The following ADCY5 variants were observed in gnomAD, a reference collection of about 807,000 sequenced individuals.
ADCY5 encodes the protein adenylate cyclase type 5.
In ADCY5, 30 loss-of-function variants were observed where a neutral mutation model predicts 119.7. The observed-to-expected ratio is 0.25, with a 90% CI of 0.19 to 0.34. ADCY5 has a LOEUF of 0.34. Ranked by LOEUF, ADCY5 falls within the 10% of genes least tolerant of loss-of-function variation. The pLI, the probability that ADCY5 is intolerant of heterozygous loss-of-function variation, is 1.00. For synonymous variants in ADCY5, 753 were observed against 762.2 expected, an observed-to-expected ratio of 0.99 and a Z score of 0.20; for missense variants, 1,324 against 1,775.2, an observed-to-expected ratio of 0.75 and a Z score of 4.57.
chr3:123,323,360 T>C (rs1425499520), intron 8 of ADCY5, among the ~76,000 whole-genome samples: 1 of 152,212 alleles, frequency 6.6e-6, no homozygotes, highest in Non-Finnish European at 1.5e-5. Context: ...GTGCTTATAG[T>C]CCAAACTATC....
Position 123,296,179 on chromosome 3 carries a change from T to C in ADCY5, c.2968A>G (p.Thr990Ala), listed in dbSNP as rs749178622. Reference protein sequence around the residue: ...HATKVALKVVTPIIISVFVLA... With the variant: ...HATKVALKVVAPIIISVFVLA... ...ACAAAGACTGAGATGATGATGGGCG[T>C]CACCACCTTCAATGCCACCTTGGTT... The change falls in exon 17 of 21, where the codon ACG becomes GCG. Residue 990 changes from threonine (T) to alanine (A), a missense_variant. Physicochemically the swap from Thr to Ala is moderately conservative, Grantham distance 58. Coordinates refer to ENST00000462833, the MANE Select transcript of ADCY5 (RefSeq NM_183357.3). 8 of 1,613,886 alleles carry C rather than the reference T, an allele frequency of 5.0e-6. No homozygotes were observed. Among genetic ancestry groups the C allele is most frequent in the South Asian group, 4.4e-5 (4 of 91,056 alleles).
chr3:123,358,828 G>GT (rs1454875183), intron 1 of ADCY5, among the ~76,000 whole-genome samples: 1 of 152,204 alleles, frequency 6.6e-6, no homozygotes, highest in Non-Finnish European at 1.5e-5. Flanking sequence ...CAGGCTGCAG[G>GT]TTTGATTTGA....
At chr3:123,340,126 C>CA (rs1479138707) in intron 3 of ADCY5, among the ~76,000 whole-genome samples, 4 of 151,468 alleles carry the variant, frequency 2.6e-5, no homozygotes, top group South Asian at 2.1e-4. Context: ...CCTGTCTCTG[C>CA]AAAAAAAATT....
chr3:123,309,466 C>A (rs534550325), intron 12 of ADCY5, among the ~76,000 whole-genome samples: 20 of 152,210 alleles, frequency 1.3e-4, no homozygotes, highest in Admixed American at 9.2e-4. Context: ...GTAAAAACCA[C>A]CTGGGTTTAA....
chr3:123,296,911 C>A, intron 16 of ADCY5: 2 of 1,365,348 alleles, frequency 1.5e-6, no homozygotes, highest in Non-Finnish European at 2.0e-6. Context: ...GCTCCAGTGA[C>A]CCCCCGCCCC....
chr3:123,378,239 G>C (rs1943909811), intron 1 of ADCY5, among the ~76,000 whole-genome samples: 2 of 152,168 alleles, frequency 1.3e-5, no homozygotes. Flanking sequence ...TGGATACCCT[G>C]CTTCTTCAGG....
At chr3:123,441,348 A>G (rs1472858328) in intron 1 of ADCY5, among the ~76,000 whole-genome samples, 1 of 152,180 alleles carries the variant, frequency 6.6e-6, no homozygotes, top group Non-Finnish European at 1.5e-5. Context: ...TCAGTGACCC[A>G]TCCAAACTTT....
intron 18 of ADCY5, among the ~76,000 whole-genome samples, 185 bp downstream of exon 18, chr3:123,290,928 C>T (rs1939104885): frequency 6.6e-6 from 1 of 152,178 alleles, no homozygotes; most frequent in Non-Finnish European, 1.5e-5. Context: ...TGAGAGAGGC[C>T]ATGTGTGCAA....
intron 1 of ADCY5, among the ~76,000 whole-genome samples, chr3:123,394,267 C>G (rs1944479809): frequency 6.6e-6 from 1 of 152,200 alleles, no homozygotes; most frequent in Non-Finnish European, 1.5e-5. Context: ...AAGGATATTG[C>G]CTCCACTCCT....
intron 1 of ADCY5, among the ~76,000 whole-genome samples, chr3:123,384,785 G>C (rs150557062): frequency 1.7e-4 from 26 of 152,232 alleles, no homozygotes; most frequent in African/African-American, 6.3e-4. Context: ...TCTAACTTGG[G>C]AAGCATGAAG....
intron 1 of ADCY5, among the ~76,000 whole-genome samples, chr3:123,387,753 G>A (rs1261817621): frequency 6.6e-6 from 1 of 152,228 alleles, no homozygotes; most frequent in African/African-American, 2.4e-5. Flanking sequence ...TGGCAGGCCA[G>A]GCACTCTGCT....
rs1293312259 is a variant in ADCY5, at chr3:123,447,440, T to C, written c.1106A>G (p.Asn369Ser). 1 of 1,600,168 alleles carries C rather than the reference T, an allele frequency of 6.2e-7. No homozygotes were observed. Residue 369 changes from asparagine to serine, a missense_variant, in exon 1 of 21, where the codon AAC becomes AGC. Asn to Ser is a conservative substitution (Grantham distance 46, BLOSUM62 1). Coordinates refer to ENST00000462833, the MANE Select transcript of ADCY5 (RefSeq NM_183357.3). Reference sequence around the variant, plus strand: ...CTTCAGCAGGAACTGGTCCTGGGCGTTGGTGCGCAGGGCGATGGCCAGGTG... The same window carrying C: ...CTTCAGCAGGAACTGGTCCTGGGCGCTGGTGCGCAGGGCGATGGCCAGGTG... Reference protein sequence around the residue: ...ALHLAIALRTNAQDQFLLKQL... With the variant: ...ALHLAIALRTSAQDQFLLKQL...
rs144199270 is a variant in ADCY5 at position 123,424,496 on chromosome 3, T to C, written c.1134+22916A>G. Among the ~76,000 whole-genome samples, 656 of 152,286 alleles carry C rather than the reference T, an allele frequency of 4.3e-3. 4 individuals are homozygous for C. The highest frequency in any genetic ancestry group is 0.026 in the East Asian group (132 of 5,174). On this transcript the variant is annotated intron_variant, in intron 1 of 20. Coordinates refer to ENST00000462833, the MANE Select transcript of ADCY5 (RefSeq NM_183357.3). Reference sequence around the variant, plus strand: ...CCCCATGCCAATTTCCCTGGAAAGATGGTCCAGGCAGAATGCACAGTCCTC... The same window carrying C: ...CCCCATGCCAATTTCCCTGGAAAGACGGTCCAGGCAGAATGCACAGTCCTC...
intron 1 of ADCY5, among the ~76,000 whole-genome samples, chr3:123,413,782 T>C (rs1945119340): frequency 6.6e-6 from 1 of 151,968 alleles, no homozygotes; most frequent in Admixed American, 6.6e-5. Flanking sequence ...AGCCTGACCA[T>C]GTTGGGTGCA....
chr3:123,327,568 C>A, intron 7 of ADCY5, 50 bp downstream of exon 7: 4 of 1,556,036 alleles, frequency 2.6e-6, no homozygotes, highest in Non-Finnish European at 3.5e-6. Flanking sequence ...GAAAATGTTC[C>A]TCCCTGGAGG....
intron 1 of ADCY5, among the ~76,000 whole-genome samples, chr3:123,401,561 T>TA (rs1400640027): frequency 6.6e-6 from 1 of 152,202 alleles, no homozygotes; most frequent in Non-Finnish European, 1.5e-5. Flanking sequence ...CCTCAATGGC[T>TA]ACTAACAGCT....
At chr3:123,294,105 C>A (rs1226884620) in intron 17 of ADCY5, among the ~76,000 whole-genome samples, 2 of 152,136 alleles carry the variant, frequency 1.3e-5, no homozygotes, top group African/African-American at 4.8e-5. Context: ...CAGACGATAA[C>A]CCACTGGATT....
chr3:123,323,127 C>A (rs1941305003), intron 8 of ADCY5, among the ~76,000 whole-genome samples: 1 of 152,218 alleles, frequency 6.6e-6, no homozygotes, highest in African/African-American at 2.4e-5. Context: ...TGATGGCAGC[C>A]CCCTCAGGGG....
intron 3 of ADCY5, among the ~76,000 whole-genome samples, chr3:123,339,789 T>C (rs1576595049): frequency 8.2e-6 from 1 of 122,406 alleles, no homozygotes; most frequent in Admixed American, 1.1e-4. Flanking sequence ...GAACACCCCA[T>C]AGCACCTACT....
Sources: gnomAD v4.1 joint callset for allele counts (sites outside exome capture counted in the v4.1 genomes callset) on GRCh38, gnomAD v4.1.1 for gene constraint, MANE v1.5 for transcripts, NCBI Gene and HGNC (gene_info 2026-07-23, HGNC 2026-07-21) for gene names.